EBPL: variants seen among roughly 807,000 people sequenced by gnomAD.
EBPL encodes EBP like.
A neutral mutation model predicts 19.0 loss-of-function variants in EBPL; 20 were observed. The ratio of observed to expected loss-of-function variants is 1.05; its 90% CI spans 0.74 to 1.53. EBPL has a LOEUF of 1.53. Among genes scored for constraint, EBPL ranks in the 40% most tolerant of loss-of-function variants. The pLI, the probability that EBPL is intolerant of heterozygous loss-of-function variation, is 0.00. For missense variants in EBPL, 219 were observed against 261.1 expected (o/e 0.84, Z 1.11); for synonymous variants, 107 against 117.0 (o/e 0.91, Z 0.55).
chr13:49,678,330 C>T (rs898733374), intron 1 of EBPL, among the ~76,000 whole-genome samples: 4 of 152,262 alleles, frequency 2.6e-5, no homozygotes, highest in African/African-American at 9.6e-5. Context: ...GCGCCGCGCG[C>T]CGGCACTCCT....
At chr13:49,678,501 C>T (rs972791136) in intron 1 of EBPL, among the ~76,000 whole-genome samples, 2 of 152,198 alleles carry the variant, frequency 1.3e-5, no homozygotes, top group Admixed American at 6.5e-5. Flanking sequence ...GCAGCGCGGA[C>T]GGGCCAGCAG....
chr13:49,687,540 T>C (rs1262391239), intron 1 of EBPL, among the ~76,000 whole-genome samples: 2 of 151,944 alleles, frequency 1.3e-5, no homozygotes, highest in African/African-American at 4.8e-5. Context: ...CTTTCCAGAG[T>C]AGTAAACCTG....
intron 1 of EBPL, among the ~76,000 whole-genome samples, chr13:49,687,901 G>A (rs1232908220): frequency 2.0e-5 from 3 of 152,072 alleles, no homozygotes; most frequent in African/African-American, 7.2e-5. Context: ...GATCTGCTTT[G>A]GCCACGTGAC....
At chr13:49,683,194 C>T (rs1003923220) in intron 1 of EBPL, among the ~76,000 whole-genome samples, 1 of 151,898 alleles carries the variant, frequency 6.6e-6, no homozygotes, top group Non-Finnish European at 1.5e-5. Flanking sequence ...AGGCTGGTCT[C>T]GAACTCCCAA....
chr13:49,685,365 G>C (rs944579377), intron 1 of EBPL, among the ~76,000 whole-genome samples: 4 of 152,088 alleles, frequency 2.6e-5, no homozygotes, highest in Non-Finnish European at 4.4e-5. Flanking sequence ...TCAATAAATG[G>C]GGCTGACAAC....
At chr13:49,673,037 C>T (rs1045898361) in intron 1 of EBPL, among the ~76,000 whole-genome samples, 35 of 151,536 alleles carry the variant, frequency 2.3e-4, no homozygotes, top group African/African-American at 7.0e-4. Flanking sequence ...CCAACCTTGG[C>T]GACAGAGTGA....
intron 1 of EBPL, among the ~76,000 whole-genome samples, chr13:49,678,820 C>T (rs532419507): frequency 7.2e-5 from 11 of 151,848 alleles, no homozygotes; most frequent in Admixed American, 2.6e-4. Flanking sequence ...CCTGTTAGCA[C>T]GTTGTCACCT....
At position 49,661,171 on chromosome 13, in the gene EBPL, A is replaced by T; in HGVS notation, c.418T>A (p.Tyr140Asn). 4 of 1,614,188 alleles carry T rather than the reference A, an allele frequency of 2.5e-6. No homozygotes were observed. Among genetic ancestry groups the T allele is most frequent in the Non-Finnish European group, 3.4e-6 (4 of 1,180,018 alleles). ...LQITLCVCEL[Y>N]GCWMTFLPEW... ...GGGAGGAAGGTCATCCAGCAGCCAT[A>T]CAGCTCGCACACGCACAGGGTGATC... Residue 140 changes from tyrosine (Y) to asparagine (N), a missense_variant, in exon 4 of 4, where the codon TAT (tyrosine) becomes AAT (asparagine). By Grantham distance (143) the Tyr-to-Asn change is moderately radical. Transcript: ENST00000242827.
intron 3 of EBPL, among the ~76,000 whole-genome samples, chr13:49,661,596 C>T (rs983931823): frequency 3.3e-5 from 5 of 152,088 alleles, no homozygotes; most frequent in African/African-American, 1.2e-4. Context: ...CAGTGTAGTG[C>T]AGACTAAATG....
At chr13:49,668,778 C>T (rs1953775763) in intron 2 of EBPL, among the ~76,000 whole-genome samples, 1 of 151,790 alleles carries the variant, frequency 6.6e-6, no homozygotes, top group African/African-American at 2.4e-5. Context: ...ATCTACAAGA[C>T]CACAAATATA....
chr13:49,661,955 G>A, intron 3 of EBPL: 6 of 1,530,364 alleles, frequency 3.9e-6, no homozygotes, highest in South Asian at 1.2e-5. Context: ...AGGAAGGGAG[G>A]AGAGTTTATA....
At chr13:49,661,338 G>A (rs1339415529) in intron 3 of EBPL, 130 bp from the exon 4 acceptor site, 16 of 728,794 alleles carry the variant, frequency 2.2e-5, no homozygotes, top group Non-Finnish European at 2.8e-5. Flanking sequence ...TTGGGCCTCA[G>A]ATGTTGGGTG....
chr13:49,661,836 T>C, intron 3 of EBPL: 1 of 1,549,992 alleles, frequency 6.5e-7, no homozygotes, highest in East Asian at 2.4e-5. Context: ...CATTACAAGA[T>C]GGTGGAAAAT....
At chr13:49,682,565 A>C (rs1371612222) in intron 1 of EBPL, among the ~76,000 whole-genome samples, 1 of 152,246 alleles carries the variant, frequency 6.6e-6, no homozygotes, top group Non-Finnish European at 1.5e-5. Flanking sequence ...CATGAACCAC[A>C]GCCTGGCACT....
intron 1 of EBPL, among the ~76,000 whole-genome samples, chr13:49,681,052 T>C (rs1953937806): frequency 6.6e-6 from 1 of 152,336 alleles, no homozygotes; most frequent in African/African-American, 2.4e-5. Flanking sequence ...CTCCCTGCTA[T>C]GAATTTTTCT....
intron 1 of EBPL, among the ~76,000 whole-genome samples, chr13:49,687,115 C>T (rs939216000): frequency 3.9e-5 from 6 of 152,172 alleles, no homozygotes; most frequent in African/African-American, 1.2e-4. Flanking sequence ...TCTCTCTTAA[C>T]TGCACACGAG....
Position 49,691,478 on chromosome 13 carries a change from G to A in EBPL, c.-54C>T. 7.9e-7 allele frequency: 1 copy of A among 1,269,658 alleles called. No individual in the cohort carries two copies. Among genetic ancestry groups the A allele is most frequent in the Non-Finnish European group, 9.9e-7 (1 of 1,006,482 alleles). 78.6% of individuals were successfully genotyped at this position (1,269,658 alleles called of 1,614,324 possible). The stretch of plus-strand genomic sequence containing the variant: ...GGACCATGCGGCAGAGGAAAGCAGG[G>A]AGAGAAACGACGGGGCGGGGCTGGC... On this transcript the variant is annotated 5_prime_UTR_variant, in exon 1 of 4. Transcript: ENST00000242827.
chr13:49,683,635 T>C (rs1447821222), intron 1 of EBPL, among the ~76,000 whole-genome samples: 1 of 152,106 alleles, frequency 6.6e-6, no homozygotes, highest in Non-Finnish European at 1.5e-5. Context: ...GTGGCATGTA[T>C]GAGGGTGACA....
In EBPL at chr13:49,678,025, G is replaced by A. The variant is rs1223042438; in HGVS notation, c.172-8179C>T. On this transcript the variant is annotated intron_variant, in intron 1 of 3. Transcript: ENST00000242827. ...AACAAAGACTCCACAGCGTGGAAGG[G>A]GACCCAAGCCGGTTGCCGGGGCTGG... 2.0e-5 allele frequency among the ~76,000 whole-genome samples: 3 copies of A among 152,074 alleles called. No individual in the cohort carries two copies. In the East Asian group the frequency reaches 5.8e-4, roughly 29 times the overall value.
Sources: gnomAD v4.1 joint callset for allele counts (sites outside exome capture counted in the v4.1 genomes callset) on GRCh38, gnomAD v4.1.1 for gene constraint, MANE v1.5 for transcripts, NCBI Gene and HGNC (gene_info 2026-07-23, HGNC 2026-07-21) for gene names.